The following CRLS1 variants were observed in gnomAD, a reference collection of about 807,000 sequenced individuals.
The protein encoded by CRLS1 is cardiolipin synthase (CMP-forming).
CRLS1 carries 24 observed loss-of-function variants against 37.0 expected under a neutral mutation model. That is an observed-to-expected ratio of 0.65 (90% confidence interval 0.47 to 0.91). The LOEUF (loss-of-function observed/expected upper bound fraction) is 0.91, where lower values mean the gene tolerates loss of function less well. CRLS1 is among the 40% of genes least tolerant of loss of function. The pLI, the probability that CRLS1 is intolerant of heterozygous loss-of-function variation, is 0.00. For synonymous variants in CRLS1, 135 were observed against 159.7 expected (o/e 0.85, Z 1.17); for missense variants, 373 against 395.8 (o/e 0.94, Z 0.49).
chr20:6,023,754 A>G (rs1478072442), intron 3 of CRLS1, among the ~76,000 whole-genome samples: 2 of 151,990 alleles, frequency 1.3e-5, no homozygotes, highest in Admixed American at 1.3e-4. Context: ...CTTCATTAAA[A>G]AAAAAAAGTT....
chr20:6,030,325 G>T (rs1980058784), intron 3 of CRLS1, among the ~76,000 whole-genome samples: 1 of 152,078 alleles, frequency 6.6e-6, no homozygotes, highest in Non-Finnish European at 1.5e-5. Context: ...TGGGACCATG[G>T]TGTAAAATCT....
At chr20:6,015,717 G>T (rs1203323434) in intron 3 of CRLS1, 1 of 441,352 alleles carries the variant, frequency 2.3e-6, no homozygotes, top group Non-Finnish European at 4.1e-6. Context: ...TAGTAAGATT[G>T]TTTAAAATTA....
chr20:6,009,711 A>G (rs2090106975), intron 1 of CRLS1, 64 bp from the exon 2 acceptor site: 1 of 1,375,594 alleles, frequency 7.3e-7, no homozygotes. Context: ...TAATGTATGT[A>G]TATAGTTATT....
At chr20:6,036,050 C>T (rs1012660904) in intron 6 of CRLS1, among the ~76,000 whole-genome samples, 1 of 152,124 alleles carries the variant, frequency 6.6e-6, no homozygotes, top group Non-Finnish European at 1.5e-5. Context: ...GTTGATCCAC[C>T]CGCCTCAGCC....
intron 4 of CRLS1, among the ~76,000 whole-genome samples, chr20:6,031,690 T>A (rs1220051059): frequency 6.6e-6 from 1 of 152,230 alleles, no homozygotes. Flanking sequence ...TAACCTCTTT[T>A]GGCTCCCAAT....
At chr20:6,015,048 A>G (rs760963367) in intron 2 of CRLS1, among the ~76,000 whole-genome samples, 2 of 152,192 alleles carry the variant, frequency 1.3e-5, no homozygotes, top group African/African-American at 2.4e-5. Flanking sequence ...CTGTAAATAC[A>G]TCACTAACCG....
At chr20:6,031,147 C>T (rs758944590) in intron 3 of CRLS1, 138 bp from the exon 4 acceptor site, 4 of 556,006 alleles carry the variant, frequency 7.2e-6, no homozygotes, top group Non-Finnish European at 1.2e-5. Flanking sequence ...CCTAAACCAT[C>T]GATAGGTGTT....
intron 1 of CRLS1, chr20:6,007,550 A>G (rs2090075798): frequency 2.5e-6 from 2 of 804,262 alleles, no homozygotes; most frequent in Non-Finnish European, 4.1e-6. Context: ...TCACTGTTCC[A>G]GCAACATTGA....
chr20:6,031,495 C>G, intron 4 of CRLS1, 125 bp downstream of exon 4: 1 of 638,210 alleles, frequency 1.6e-6, no homozygotes, highest in Non-Finnish European at 2.7e-6. Flanking sequence ...TAGCCAGCCC[C>G]TATCCCTAGA....
In CRLS1 at chr20:6,021,453, G is replaced by T. The variant is rs1220331317; in HGVS notation, c.574+5963G>T. ...CTTGGTGAAGTGAATGTTTTGTTAT[G>T]AAGTGACCCTCTATAGCTGTAGTAA... On this transcript the variant is annotated intron_variant, in intron 3 of 6. Coordinates refer to ENST00000378863, the MANE Select transcript of CRLS1 (RefSeq NM_019095.6). 4.6e-5 allele frequency among the ~76,000 whole-genome samples: 7 copies of T among 152,282 alleles called. No homozygotes were observed. The East Asian group carries it at 1.4e-3, about 29-fold the overall frequency.
At chr20:6,007,778 A>G (rs566239280) in intron 1 of CRLS1, among the ~76,000 whole-genome samples, 9 of 152,272 alleles carry the variant, frequency 5.9e-5, no homozygotes, top group Admixed American at 1.3e-4. Context: ...CTACCATAGT[A>G]TGGTCAACAG....
chr20:6,032,306 T>A (rs1277885600), intron 5 of CRLS1, among the ~76,000 whole-genome samples: 6 of 152,000 alleles, frequency 3.9e-5, no homozygotes, highest in Non-Finnish European at 7.4e-5. Flanking sequence ...GAGTTTAAGC[T>A]CTGAATGAGG....
intron 4 of CRLS1, 57 bp downstream of exon 4, chr20:6,031,427 C>G: frequency 2.3e-6 from 3 of 1,325,304 alleles, no homozygotes; most frequent in Non-Finnish European, 3.2e-6. Context: ...AAGGAAAAAG[C>G]AAAAAGACAT....
rs1338424061 is a variant in CRLS1 at position 6,037,646 on chromosome 20, G to C, written c.*488G>C. 6.6e-6 allele frequency: 1 copy of C among 152,100 alleles called. No homozygotes were observed. Among genetic ancestry groups the C allele is most frequent in the Non-Finnish European group, 1.5e-5 (1 of 68,018 alleles). The allele number at this position is 152,100 out of a possible 1,614,324, so 9.4% of individuals were successfully genotyped here. On this transcript the variant is annotated 3_prime_UTR_variant, in exon 7 of 7. Coordinates refer to ENST00000378863, the MANE Select transcript of CRLS1 (RefSeq NM_019095.6). Reference sequence around the variant, plus strand: ...CATGTAATTAATACCTGATCATTTGGGATAATGAAAGTGAAGTTAGTTGTA... The same window carrying C: ...CATGTAATTAATACCTGATCATTTGCGATAATGAAAGTGAAGTTAGTTGTA...
intron 5 of CRLS1, among the ~76,000 whole-genome samples, chr20:6,033,232 C>T (rs189136568): frequency 0.014 from 2,117 of 151,984 alleles, 52 homozygotes; most frequent in African/African-American, 0.048. Flanking sequence ...CGGGTTCAAG[C>T]GATTCTCCTG....
chr20:6,030,758 AC>A (rs1980106404), intron 3 of CRLS1, among the ~76,000 whole-genome samples: 1 of 152,204 alleles, frequency 6.6e-6, no homozygotes, highest in African/African-American at 2.4e-5. Context: ...GTTGCACATA[AC>A]AGCAAATTTT....
chr20:6,007,375 T>G (rs1200735395), intron 1 of CRLS1: 1 of 1,613,566 alleles, frequency 6.2e-7, no homozygotes, highest in East Asian at 2.2e-5. Flanking sequence ...CTGAAGTCCT[T>G]CCCAGAACGG....
intron 2 of CRLS1, among the ~76,000 whole-genome samples, chr20:6,014,530 TA>T (rs1978589665): frequency 6.6e-6 from 1 of 152,232 alleles, no homozygotes; most frequent in Admixed American, 6.5e-5. Context: ...GGGACTTGGA[TA>T]AACCAGAAAA....
intron 2 of CRLS1, 29 bp downstream of exon 2, chr20:6,009,941 T>C (rs981714552): frequency 6.2e-7 from 1 of 1,607,286 alleles, no homozygotes; most frequent in Non-Finnish European, 8.5e-7. Flanking sequence ...CCCAGTTTGC[T>C]CTCCTTCCAA....
Sources: gnomAD v4.1 joint callset for allele counts (sites outside exome capture counted in the v4.1 genomes callset) on GRCh38, gnomAD v4.1.1 for gene constraint, MANE v1.5 for transcripts, NCBI Gene and HGNC (gene_info 2026-07-23, HGNC 2026-07-21) for gene names.